The following GRIN3A variants were observed in gnomAD, a reference collection of about 807,000 sequenced individuals.
GRIN3A encodes the protein glutamate receptor ionotropic, NMDA 3A.
Under a neutral mutation model 92.4 loss-of-function variants are expected in GRIN3A, and 47 were observed. The ratio of observed to expected loss-of-function variants is 0.51; its 90% CI spans 0.40 to 0.65. GRIN3A has a LOEUF of 0.65. Among genes scored for constraint, GRIN3A ranks in the 30% least tolerant of loss-of-function variants. GRIN3A has a pLI of 0.00. For synonymous variants in GRIN3A, 527 were observed against 540.6 expected (o/e 0.97, Z 0.35); for missense variants, 1,324 against 1,393.1 (o/e 0.95, Z 0.79).
intron 6 of GRIN3A, among the ~76,000 whole-genome samples, chr9:101,606,503 C>T (rs1187673176): frequency 2.0e-5 from 3 of 152,156 alleles, no homozygotes; most frequent in African/African-American, 7.2e-5. Flanking sequence ...TCTCTTAATT[C>T]TTCCCTTTGA....
Position 101,577,767 on chromosome 9 carries a change from C to T in GRIN3A, c.3008+1G>A, listed in dbSNP as rs1351119610. ...GACAGTTGCCATTGGCCCCTTCTTA[C>T]CTCTTTTCCACACGTTTGGTCTTGA... On this transcript the variant is annotated splice_donor_variant, in intron 8 of 8. Transcript: ENST00000361820. LOFTEE classifies it high-confidence loss of function. 8.7e-6 allele frequency: 14 copies of T among 1,608,440 alleles called. No homozygotes were observed. Among genetic ancestry groups the T allele is most frequent in the Non-Finnish European group, 1.2e-5 (14 of 1,175,368 alleles).
chr9:101,737,535 C>A lies in GRIN3A; in HGVS notation c.445G>T (p.Glu149Ter). Reference sequence around the variant, plus strand: ...CCTGCCTCGATGGCCATCACTACTTCCAAAGACAGGTTGTAGGGTAGCAGC... The same window carrying A: ...CCTGCCTCGATGGCCATCACTACTTACAAAGACAGGTTGTAGGGTAGCAGC... ...EGLLPYNLSL[E>*]VVMAIEAGLG... The change falls in exon 1 of 9, where the codon GAA becomes TAA. Residue 149 changes from glutamate to a stop codon, truncating the protein, a stop_gained. Coordinates refer to ENST00000361820, the MANE Select transcript of GRIN3A (RefSeq NM_133445.3). LOFTEE classifies it high-confidence loss of function. 1 of 1,614,244 alleles carries A rather than the reference C, an allele frequency of 6.2e-7. No homozygotes were observed. The highest frequency in any genetic ancestry group is 8.5e-7 in the Non-Finnish European group (1 of 1,180,044).
In GRIN3A at chr9:101,575,575, T is replaced by G. The variant is rs533474589; in HGVS notation, c.3009-2062A>C. ...AAATCATCTCCTGCAATATGTACCT[T>G]ATTTTCTTTGCATTAAATGAGAAAG... On this transcript the variant is annotated intron_variant, in intron 8 of 8. Transcript: ENST00000361820. Among the ~76,000 whole-genome samples the G allele has an allele frequency of 1.1e-3, 171 of 152,338 alleles. 4 individuals are homozygous for G. The highest frequency in any genetic ancestry group is 1.3e-3 in the Non-Finnish European group (86 of 68,034).
At chr9:101,634,603 A>G (rs1487381974) in intron 3 of GRIN3A, among the ~76,000 whole-genome samples, 1 of 152,104 alleles carries the variant, frequency 6.6e-6, no homozygotes, top group Non-Finnish European at 1.5e-5. Flanking sequence ...ATAAAGTTGG[A>G]TTTAAAACCA....
chr9:101,624,493 C>A (rs930576782), intron 4 of GRIN3A, among the ~76,000 whole-genome samples: 1 of 150,130 alleles, frequency 6.7e-6, no homozygotes, highest in Non-Finnish European at 1.5e-5. Context: ...TTTGTCCTTG[C>A]GATAGTTTAC....
rs1255981035 is a variant in GRIN3A, at chr9:101,686,892, C to T, written c.1008G>A (p.Arg336=). The T allele has an allele frequency of 1.9e-6, 3 of 1,614,084 alleles. No homozygotes were observed. Among genetic ancestry groups the T allele is most frequent in the Non-Finnish European group, 2.5e-6 (3 of 1,180,046 alleles). Residue 336 remains arginine (R), a synonymous_variant, in exon 2 of 9, where the codon CGG becomes CGA. Coordinates refer to ENST00000361820, the MANE Select transcript of GRIN3A (RefSeq NM_133445.3). ...VMFGCDMESI[R]RIFEITTQFG... ...ACTGGGTTGTAATTTCGAAAATCCG[C>T]CGGATACTTTCCATGTCGCAGCCAA...
chr9:101,723,350 T>C (rs376632338), intron 1 of GRIN3A, among the ~76,000 whole-genome samples: 5 of 151,812 alleles, frequency 3.3e-5, no homozygotes, highest in African/African-American at 7.3e-5. Flanking sequence ...AGGCAGCGCG[T>C]CTGGAGTTGT....
chr9:101,617,046 A>G (rs1437687972), intron 5 of GRIN3A, among the ~76,000 whole-genome samples: 5 of 150,560 alleles, frequency 3.3e-5, no homozygotes, highest in Non-Finnish European at 7.4e-5. Context: ...TAAAAATACA[A>G]AAAATTAGCC....
chr9:101,597,318 G>A (rs1828149135), intron 6 of GRIN3A, among the ~76,000 whole-genome samples: 1 of 152,126 alleles, frequency 6.6e-6, no homozygotes. Flanking sequence ...CTGGTCGGGG[G>A]GAAGTGGGGG....
chr9:101,670,162 G>A lies in GRIN3A; in HGVS notation c.2250C>T (p.Ala750=). The A allele has an allele frequency of 6.2e-7, 1 of 1,613,664 alleles. No individual in the cohort carries two copies. Among genetic ancestry groups the A allele is most frequent in the South Asian group, 1.1e-5 (1 of 91,076 alleles). Residue 750 remains alanine, a synonymous_variant, in exon 3 of 9, where the codon GCC becomes GCT. Coordinates refer to ENST00000361820, the MANE Select transcript of GRIN3A (RefSeq NM_133445.3). ...WTGRFLMNLW[A]IFCMFCLSTY... is the part of the protein sequence containing the mutation. ...TGGAAAGGCAAAACATACAGAAAAT[G>A]GCCCAAAGGTTCATTAGAAACCTTC...
At chr9:101,664,365 C>T (rs1312643817) in intron 3 of GRIN3A, among the ~76,000 whole-genome samples, 1 of 151,960 alleles carries the variant, frequency 6.6e-6, no homozygotes, top group East Asian at 1.9e-4. Flanking sequence ...CAAATTCCTG[C>T]TTTCATGGTC....
At chr9:101,733,069 C>G (rs1230700592) in intron 1 of GRIN3A, among the ~76,000 whole-genome samples, 1 of 152,126 alleles carries the variant, frequency 6.6e-6, no homozygotes, top group African/African-American at 2.4e-5. Context: ...GGTACAAAAT[C>G]CATGGTGCCT....
intron 1 of GRIN3A, among the ~76,000 whole-genome samples, chr9:101,696,470 A>G (rs1467846057): frequency 6.6e-6 from 1 of 152,198 alleles, no homozygotes; most frequent in East Asian, 1.9e-4. Flanking sequence ...GCTGAATTTT[A>G]AGAACTTTTG....
intron 5 of GRIN3A, among the ~76,000 whole-genome samples, chr9:101,614,377 A>G (rs1381095847): frequency 6.6e-6 from 1 of 152,160 alleles, no homozygotes; most frequent in Non-Finnish European, 1.5e-5. Context: ...TTGACAAGAG[A>G]ATGAGTAATG....
rs772603694 is a variant in GRIN3A, at chr9:101,737,630, G to C, written c.350C>G (p.Ala117Gly). Residue 117 changes from alanine to glycine, a missense_variant, in exon 1 of 9, where the codon GCC (alanine) becomes GGC (glycine). Coordinates refer to ENST00000361820, the MANE Select transcript of GRIN3A (RefSeq NM_133445.3). ...PPGSRKPGEG[A>G]RAEALWPRDA... Reference sequence around the variant, plus strand: ...CCGTGGCCACAGGGCCTCCGCCCTGGCGCCCTCCCCGGGCTTACGGGAGCC... The same window carrying C: ...CCGTGGCCACAGGGCCTCCGCCCTGCCGCCCTCCCCGGGCTTACGGGAGCC... 1 of 1,612,102 alleles carries C rather than the reference G, an allele frequency of 6.2e-7. No homozygotes were observed. The highest frequency in any genetic ancestry group is 8.5e-7 in the Non-Finnish European group (1 of 1,179,776).
chr9:101,586,624 T>C (rs185087117), intron 6 of GRIN3A, among the ~76,000 whole-genome samples: 1 of 152,192 alleles, frequency 6.6e-6, no homozygotes, highest in Non-Finnish European at 1.5e-5. Flanking sequence ...ATTTTTTAAA[T>C]TACTGAAGTA....
At chr9:101,596,807 G>C (rs1828139433) in intron 6 of GRIN3A, among the ~76,000 whole-genome samples, 1 of 152,218 alleles carries the variant, frequency 6.6e-6, no homozygotes, top group Non-Finnish European at 1.5e-5. Context: ...AAGAAGAGCT[G>C]AATGATTCAG....
intron 6 of GRIN3A, among the ~76,000 whole-genome samples, chr9:101,588,525 T>C (rs930900097): frequency 1.3e-5 from 2 of 152,202 alleles, no homozygotes; most frequent in Non-Finnish European, 2.9e-5. Context: ...AGGGTTGAAA[T>C]TGTACTTAAT....
At chr9:101,622,645 T>G (rs914032216) in intron 5 of GRIN3A, among the ~76,000 whole-genome samples, 5 of 151,362 alleles carry the variant, frequency 3.3e-5, no homozygotes, top group East Asian at 1.9e-4. Flanking sequence ...ATAGAATGAG[T>G]TTTTTTTTCT....
Sources: gnomAD v4.1 joint callset for allele counts (sites outside exome capture counted in the v4.1 genomes callset) on GRCh38, gnomAD v4.1.1 for gene constraint, MANE v1.5 for transcripts, NCBI Gene and HGNC (gene_info 2026-07-23, HGNC 2026-07-21) for gene names.